HERC3: variants seen among roughly 807,000 people sequenced by gnomAD.
HERC3 encodes HECT and RLD domain containing E3 ubiquitin protein ligase 3, also known as probable E3 ubiquitin-protein ligase HERC3.
In HERC3, 58 loss-of-function variants were observed where a neutral mutation model predicts 129.9. That is an observed-to-expected ratio of 0.45 (90% CI 0.36 to 0.56). The LOEUF (loss-of-function observed/expected upper bound fraction) is 0.56. HERC3 is among the 20% of genes least tolerant of loss of function. The pLI is 0.00. For synonymous variants in HERC3, 430 were observed against 451.0 expected, an observed-to-expected ratio of 0.95 and a Z score of 0.59; for missense variants, 835 against 1,244.2, an observed-to-expected ratio of 0.67 and a Z score of 4.95.
the HERC3 span, among the ~76,000 whole-genome samples, chr4:88,539,991 G>A: frequency 6.6e-6 from 1 of 152,220 alleles, no homozygotes; most frequent in African/African-American, 2.4e-5. Context: ...AGAAACCAGA[G>A]CAGAAAAGCT....
At chr4:88,690,252 G>A in intron 23 of HERC3, 1 of 978,192 alleles carries the variant, frequency 1.0e-6, no homozygotes, top group Non-Finnish European at 1.2e-6. Context: ...TCCTTAATAA[G>A]ACCAGGCTTT....
intron 2 of HERC3, among the ~76,000 whole-genome samples, chr4:88,604,798 A>T (rs1723434285): frequency 6.6e-6 from 1 of 152,250 alleles, no homozygotes; most frequent in Admixed American, 6.5e-5. Context: ...TTGCTGGATC[A>T]CATGGTATCT....
intron 20 of HERC3, 43 bp from the exon 21 acceptor site, chr4:88,681,116 A>G (rs1325330824): frequency 6.5e-7 from 1 of 1,540,274 alleles, no homozygotes; most frequent in East Asian, 2.3e-5. Context: ...AAGGCCAGAA[A>G]CATTGCATTT....
intron 3 of HERC3, among the ~76,000 whole-genome samples, chr4:88,622,735 C>A (rs1026461441): frequency 6.6e-6 from 1 of 152,068 alleles, no homozygotes. Context: ...TTGAGACCAT[C>A]CTGGCCAACA....
chr4:88,551,726 C>A, the HERC3 span, among the ~76,000 whole-genome samples: 10 of 152,304 alleles, frequency 6.6e-5, no homozygotes, highest in East Asian at 5.8e-4. Context: ...GTCAGTGTGG[C>A]AATTCCTCAG....
At position 88,678,105 on chromosome 4, in the gene HERC3, T is replaced by C; in HGVS notation, c.2167T>C (p.Ser723Pro). Residue 723 changes from serine to proline, a missense_variant, in exon 19 of 26, where the codon TCT (serine) becomes CCT (proline). By Grantham distance (74) the Ser-to-Pro change is moderately conservative (BLOSUM62 -1). Transcript: ENST00000402738. ...GDALRELSIH[S>P]DIDLKKPLKV... is the part of the protein sequence containing the mutation. ...TGCCCTAAGAGAGCTGAGCATTCATTCTGATATTGATTTGAAAAAGCCTCT... is the reference window on the plus strand; with the variant it reads ...TGCCCTAAGAGAGCTGAGCATTCATCCTGATATTGATTTGAAAAAGCCTCT... 1 of 1,613,946 alleles carries C rather than the reference T, an allele frequency of 6.2e-7. No individual in the cohort carries two copies. Among genetic ancestry groups the C allele is most frequent in the Non-Finnish European group, 8.5e-7 (1 of 1,179,978 alleles).
At chr4:88,584,425 C>T in the HERC3 span, among the ~76,000 whole-genome samples, 4 of 152,116 alleles carry the variant, frequency 2.6e-5, no homozygotes, top group African/African-American at 7.2e-5. Context: ...AGGTATTGGG[C>T]AAGTCATTTA....
intron 3 of HERC3, among the ~76,000 whole-genome samples, chr4:88,616,670 T>TTTTG (rs370865583): frequency 0.017 from 2,609 of 152,234 alleles, 33 homozygotes; most frequent in Admixed American, 0.032. Flanking sequence ...TGATCTCTGT[T>TTTTG]TTTGTTTGTT....
chr4:88,668,000 GATTCCAAGT>G lies in HERC3; in HGVS notation c.1556_1564del (p.Ser519_Tyr521del). 1 of 1,613,348 alleles carries G rather than the reference GATTCCAAGT, an allele frequency of 6.2e-7. No individual in the cohort carries two copies. The highest frequency in any genetic ancestry group is 8.5e-7 in the Non-Finnish European group (1 of 1,179,384). ...ACTACCTGAGTTTCCCCTACTCCAG[GATTCCAAGT>G]ATTATATAACATTGACTATTCCCTT... On this transcript the variant is annotated inframe_deletion, in exon 14 of 26. Coordinates refer to ENST00000402738, the MANE Select transcript of HERC3 (RefSeq NM_014606.3).
intron 2 of HERC3, among the ~76,000 whole-genome samples, chr4:88,597,052 A>G (rs1418753463): frequency 6.6e-6 from 1 of 151,802 alleles, no homozygotes; most frequent in Non-Finnish European, 1.5e-5. Flanking sequence ...GTGCCACACT[A>G]TCTGTTTTCT....
chr4:88,560,561 C>G, the HERC3 span, among the ~76,000 whole-genome samples: 1 of 151,974 alleles, frequency 6.6e-6, no homozygotes, highest in Non-Finnish European at 1.5e-5. Flanking sequence ...TGATTATTTC[C>G]TTTGCTGTGC....
chr4:88,628,901 G>T (rs1037734905), intron 3 of HERC3, among the ~76,000 whole-genome samples: 3 of 152,182 alleles, frequency 2.0e-5, no homozygotes, highest in Non-Finnish European at 4.4e-5. Flanking sequence ...AGGGCTGGGC[G>T]CGGTGGCTCA....
intron 2 of HERC3, among the ~76,000 whole-genome samples, chr4:88,605,190 A>G (rs536701850): frequency 9.2e-5 from 14 of 152,328 alleles, no homozygotes; most frequent in African/African-American, 3.4e-4. Context: ...TTGTCGCTGC[A>G]ACAATCCCAG....
At chr4:88,594,002 G>C (rs1722056447) in intron 1 of HERC3, among the ~76,000 whole-genome samples, 3 of 152,196 alleles carry the variant, frequency 2.0e-5, no homozygotes, top group Admixed American at 2.0e-4. Context: ...TTCGAGGCTA[G>C]GAACTTTCTG....
At chr4:88,651,664 A>G (rs771632734) in intron 4 of HERC3, among the ~76,000 whole-genome samples, 5 of 152,182 alleles carry the variant, frequency 3.3e-5, no homozygotes, top group Admixed American at 6.5e-5. Context: ...TGACAAGAGT[A>G]ATGGTGATGG....
At chr4:88,681,981 T>G (rs1276533936) in intron 21 of HERC3, among the ~76,000 whole-genome samples, 1 of 152,258 alleles carries the variant, frequency 6.6e-6, no homozygotes, top group African/African-American at 2.4e-5. Flanking sequence ...TGATTGGCCT[T>G]TGGTTGAATC....
intron 1 of HERC3, among the ~76,000 whole-genome samples, chr4:88,592,971 G>A (rs934453477): frequency 6.6e-6 from 1 of 152,160 alleles, no homozygotes; most frequent in Non-Finnish European, 1.5e-5. Context: ...CCCTATGCTC[G>A]CCCCCTGCCC....
chr4:88,678,662 T>G, intron 19 of HERC3, among the ~76,000 whole-genome samples: 1 of 152,224 alleles, frequency 6.6e-6, no homozygotes, highest in East Asian at 1.9e-4. Context: ...ACACAGTAGG[T>G]ATTCCAGAAA....
chr4:88,606,080 G>T (rs751466149), intron 3 of HERC3, 31 bp downstream of exon 3: 1 of 1,562,316 alleles, frequency 6.4e-7, no homozygotes, highest in Non-Finnish European at 8.8e-7. Flanking sequence ...TTGATTATTG[G>T]TGAGAATGGA....
Sources: gnomAD v4.1 joint callset for allele counts (sites outside exome capture counted in the v4.1 genomes callset) on GRCh38, gnomAD v4.1.1 for gene constraint, MANE v1.5 for transcripts, NCBI Gene and HGNC (gene_info 2026-07-23, HGNC 2026-07-21) for gene names.